Variants in UGP2 observed in about 807,000 individuals in gnomAD.
UGP2 encodes the protein UDP-glucose pyrophosphorylase 2.
UGP2 carries 40 observed loss-of-function variants against 49.0 expected under a neutral mutation model. That is an observed-to-expected ratio of 0.82 (90% CI 0.63 to 1.06). The LOEUF is 1.06. Ranked by LOEUF, UGP2 falls within the 50% of genes least tolerant of loss-of-function variation. The probability of loss-of-function intolerance (pLI) is 0.00; values close to 1 mark genes in which losing one functional copy is unlikely to be tolerated. For missense variants in UGP2, 460 were observed against 603.5 expected (o/e 0.76, Z 2.49); for synonymous variants, 225 against 213.0 (o/e 1.06, Z -0.49).
intron 3 of UGP2, among the ~76,000 whole-genome samples, chr2:63,869,573 G>C (rs115534268): frequency 6.6e-6 from 1 of 152,212 alleles, no homozygotes; most frequent in Non-Finnish European, 1.5e-5. Context: ...AGAGAGGACA[G>C]CGCAAAATTT....
At chr2:63,886,926 C>T (rs1044995026) in intron 7 of UGP2, among the ~76,000 whole-genome samples, 2 of 152,142 alleles carry the variant, frequency 1.3e-5, no homozygotes, top group African/African-American at 2.4e-5. Context: ...AAAAAGATTA[C>T]ATGTTTAAGA....
At chr2:63,878,339 C>G (rs367812092) in intron 3 of UGP2, among the ~76,000 whole-genome samples, 2 of 152,234 alleles carry the variant, frequency 1.3e-5, no homozygotes, top group South Asian at 2.1e-4. Context: ...ATTCCTAAAT[C>G]GTTCTCTCAC....
intron 1 of UGP2, among the ~76,000 whole-genome samples, chr2:63,849,029 C>G (rs1484952704): frequency 6.6e-6 from 1 of 152,110 alleles, no homozygotes; most frequent in Non-Finnish European, 1.5e-5. Flanking sequence ...GCTATGTTGT[C>G]TCGTTAATAT....
chr2:63,872,758 C>T (rs987772781), intron 3 of UGP2, among the ~76,000 whole-genome samples: 5 of 150,812 alleles, frequency 3.3e-5, no homozygotes, highest in Non-Finnish European at 7.4e-5. Flanking sequence ...AGACATTTCT[C>T]ACTGCAGCCA....
chr2:63,846,530 C>G (rs1034710780), intron 1 of UGP2, among the ~76,000 whole-genome samples: 1 of 152,076 alleles, frequency 6.6e-6, no homozygotes, highest in Admixed American at 6.6e-5. Context: ...TACATACTTA[C>G]ATTTCAGGGA....
At chr2:63,849,467 A>G (rs1668900103) in intron 1 of UGP2, among the ~76,000 whole-genome samples, 1 of 152,248 alleles carries the variant, frequency 6.6e-6, no homozygotes, top group Non-Finnish European at 1.5e-5. Context: ...CATTTGTGCT[A>G]ATGGTAAAAT....
At chr2:63,870,857 C>T (rs1670501564) in intron 3 of UGP2, among the ~76,000 whole-genome samples, 1 of 152,066 alleles carries the variant, frequency 6.6e-6, no homozygotes, top group Non-Finnish European at 1.5e-5. Flanking sequence ...GTAAGAATTG[C>T]TGTGATAGGA....
chr2:63,841,049 T>C (rs1259171565), upstream of UGP2: 1 of 152,466 alleles, frequency 6.6e-6, no homozygotes, highest in Non-Finnish European at 1.5e-5. Flanking sequence ...GGGAGCCGGC[T>C]GACGGGTGGA....
intron 3 of UGP2, among the ~76,000 whole-genome samples, chr2:63,863,284 A>G (rs914754119): frequency 1.6e-4 from 24 of 152,156 alleles, no homozygotes; most frequent in South Asian, 2.1e-4. Flanking sequence ...CCTTCTCTTC[A>G]TAGGTACCAT....
chr2:63,850,210 TTAAG>T (rs1479828270), intron 1 of UGP2, among the ~76,000 whole-genome samples: 1 of 152,222 alleles, frequency 6.6e-6, no homozygotes, highest in Non-Finnish European at 1.5e-5. Flanking sequence ...CAGTTTTTTT[TTAAG>T]TAAAGCAATG....
At chr2:63,874,548 A>G (rs551342959) in intron 3 of UGP2, among the ~76,000 whole-genome samples, 1 of 152,332 alleles carries the variant, frequency 6.6e-6, no homozygotes, top group Middle Eastern at 3.4e-3. Context: ...ATGGTGTTTC[A>G]TAGGTCAAGG....
chr2:63,873,058 A>G (rs931067981), intron 3 of UGP2, among the ~76,000 whole-genome samples: 3 of 152,170 alleles, frequency 2.0e-5, no homozygotes, highest in African/African-American at 7.2e-5. Flanking sequence ...TGCAAAGATG[A>G]CCTTATTGAC....
At chr2:63,888,346 C>CA (rs1665923481) in intron 8 of UGP2, 2 of 152,186 alleles carry the variant, frequency 1.3e-5, no homozygotes, top group African/African-American at 4.8e-5. Context: ...ATGTGTAACA[C>CA]ATTTTGCCAT....
chr2:63,879,431 A>G (rs987841990), intron 3 of UGP2, among the ~76,000 whole-genome samples: 1 of 152,254 alleles, frequency 6.6e-6, no homozygotes, highest in Non-Finnish European at 1.5e-5. Context: ...TTTCACTCCA[A>G]GTTACATCTA....
intron 1 of UGP2, among the ~76,000 whole-genome samples, chr2:63,850,038 C>T (rs1668944333): frequency 6.6e-6 from 1 of 152,178 alleles, no homozygotes; most frequent in Non-Finnish European, 1.5e-5. Context: ...ATCCATTAAA[C>T]ATAAAACAAA....
intron 1 of UGP2, among the ~76,000 whole-genome samples, chr2:63,843,690 T>C (rs971157404): frequency 6.6e-6 from 1 of 152,218 alleles, no homozygotes; most frequent in Non-Finnish European, 1.5e-5. Flanking sequence ...TACTTTGTCA[T>C]CCACTTTTTT....
chr2:63,879,975 A>G (rs1166383748), intron 3 of UGP2, among the ~76,000 whole-genome samples: 1 of 152,194 alleles, frequency 6.6e-6, no homozygotes, highest in Non-Finnish European at 1.5e-5. Context: ...AGACCTCTGT[A>G]AATATTAGGT....
intron 3 of UGP2, among the ~76,000 whole-genome samples, chr2:63,881,233 A>G (rs1671285689): frequency 6.6e-6 from 1 of 152,198 alleles, no homozygotes; most frequent in South Asian, 2.1e-4. Flanking sequence ...AGGAGGCAAC[A>G]TATGATATAT....
At chr2:63,855,450 A>T (rs751912164) in intron 1 of UGP2, 1 of 472,500 alleles carries the variant, frequency 2.1e-6, no homozygotes, top group African/African-American at 2.0e-5. Context: ...TACTTTCTAG[A>T]TAAAGTATAA....
Sources: gnomAD v4.1 joint callset for allele counts (sites outside exome capture counted in the v4.1 genomes callset) on GRCh38, gnomAD v4.1.1 for gene constraint, MANE v1.5 for transcripts, NCBI Gene and HGNC (gene_info 2026-07-23, HGNC 2026-07-21) for gene names.